Variants in LRP1B observed in about 807,000 individuals in gnomAD.
The protein encoded by LRP1B is LDL receptor related protein 1B, also known as low-density lipoprotein receptor-related protein 1B.
A neutral mutation model predicts 556.6 loss-of-function variants in LRP1B; 217 were observed. The ratio of observed to expected loss-of-function variants is 0.39; its 90% CI spans 0.35 to 0.44. The LOEUF (loss-of-function observed/expected upper bound fraction) is 0.44, where lower values mean the gene tolerates loss of function less well. LRP1B is among the 20% of genes least tolerant of loss of function. The pLI, the probability that LRP1B is intolerant of heterozygous loss-of-function variation, is 1.00. For synonymous variants in LRP1B, 2,047 were observed against 1,865.8 expected (o/e 1.10, Z -2.50); for missense variants, 5,053 against 5,620.8 (o/e 0.90, Z 3.23).
chr2:140,531,472 C>T (rs1056285412), intron 47 of LRP1B, among the ~76,000 whole-genome samples: 1 of 152,126 alleles, frequency 6.6e-6, no homozygotes, highest in Non-Finnish European at 1.5e-5. Context: ...ACTACAGTGT[C>T]AACCTTAGAT....
chr2:140,965,361 T>A (rs953791179), intron 18 of LRP1B, among the ~76,000 whole-genome samples: 32 of 149,196 alleles, frequency 2.1e-4, no homozygotes, highest in African/African-American at 7.5e-4. Flanking sequence ...AAAATACCTT[T>A]TTTTTTTTCT....
intron 1 of LRP1B, among the ~76,000 whole-genome samples, chr2:141,922,376 G>A (rs754990113): frequency 2.0e-5 from 3 of 152,082 alleles, no homozygotes; most frequent in Non-Finnish European, 4.4e-5. Flanking sequence ...TGCACATTTT[G>A]TCTTCTTTGC....
rs1453597414 is a variant in LRP1B at position 142,115,619 on chromosome 2, TGTA to T, written c.82+15026_82+15028del. Among the ~76,000 whole-genome samples, 19 of 44,870 alleles carry T rather than the reference TGTA, an allele frequency of 4.2e-4. 5 individuals are homozygous for T. Among genetic ancestry groups the T allele is most frequent in the African/African-American group, 1.5e-3 (19 of 12,906 alleles). The allele number at this position is 44,870 out of a possible 152,430, so 29.4% of individuals were successfully genotyped here. A position where few individuals can be genotyped will look rare whatever the true frequency, so the allele number is the denominator to read the frequency against. On this transcript the variant is annotated intron_variant, in intron 1 of 90. Transcript: ENST00000389484. ...ATATATGTAATATATATTATATATA[TGTA>T]ATATATATATTATATATGTAATATA...
intron 5 of LRP1B, among the ~76,000 whole-genome samples, chr2:141,236,309 T>C (rs1683646891): frequency 6.6e-6 from 1 of 152,170 alleles, no homozygotes; most frequent in African/African-American, 2.4e-5. Flanking sequence ...AGTGGGAACA[T>C]TTAATATCCC....
At chr2:140,631,192 C>G (rs1683870089) in intron 41 of LRP1B, among the ~76,000 whole-genome samples, 1 of 152,020 alleles carries the variant, frequency 6.6e-6, no homozygotes, top group Admixed American at 6.6e-5. Flanking sequence ...TAACATAAAA[C>G]CACACACACA....
chr2:140,649,030 T>C (rs114044650), intron 41 of LRP1B, among the ~76,000 whole-genome samples: 2,644 of 152,232 alleles, frequency 0.017, 44 homozygotes, highest in Admixed American at 0.046. Context: ...GATCAGGTTA[T>C]ATCTCTAGAC....
At chr2:140,588,346 T>C (rs1311073604) in intron 43 of LRP1B, among the ~76,000 whole-genome samples, 1 of 152,068 alleles carries the variant, frequency 6.6e-6, no homozygotes, top group African/African-American at 2.4e-5. Context: ...CTTTACTGGG[T>C]AAATGGTGAT....
rs1269248107 is a variant in LRP1B at position 141,480,510 on chromosome 2, A to C, written c.229T>G (p.Cys77Gly). Reference protein sequence around the residue: ...DTCPEEVEIKCPLNHIACLGT... With the variant: ...DTCPEEVEIKGPLNHIACLGT... ...AGGCAAGCAATGTGATTCAAGGGGC[A>C]CTTGATTTCTACCTCCTCGGGACCT... The change falls in exon 3 of 91, where the codon TGC becomes GGC. Residue 77 changes from cysteine (C) to glycine (G), a missense_variant. Transcript: ENST00000389484. 1 of 1,613,836 alleles carries C rather than the reference A, an allele frequency of 6.2e-7. No homozygotes were observed. Among genetic ancestry groups the C allele is most frequent in the Non-Finnish European group, 8.5e-7 (1 of 1,179,904 alleles).
At chr2:140,644,458 G>A (rs1346402098) in intron 41 of LRP1B, among the ~76,000 whole-genome samples, 1 of 149,900 alleles carries the variant, frequency 6.7e-6, no homozygotes, top group African/African-American at 2.5e-5. Context: ...AGAGGGAGTG[G>A]CACTATGTTC....
chr2:140,850,624 C>T (rs1293126893), intron 28 of LRP1B, among the ~76,000 whole-genome samples: 1 of 152,168 alleles, frequency 6.6e-6, no homozygotes, highest in African/African-American at 2.4e-5. Context: ...ACTACATAAA[C>T]TACGAGTGTC....
chr2:141,122,545 A>G (rs375602818), intron 7 of LRP1B, among the ~76,000 whole-genome samples: 2 of 152,126 alleles, frequency 1.3e-5, no homozygotes, highest in African/African-American at 2.4e-5. Context: ...CAAAACCACA[A>G]TGAGATACCA....
intron 7 of LRP1B, among the ~76,000 whole-genome samples, chr2:141,067,926 G>T (rs1162352578): frequency 1.3e-5 from 2 of 151,940 alleles, no homozygotes; most frequent in Non-Finnish European, 2.9e-5. Flanking sequence ...CAAGATGAAA[G>T]AAGACATGTC....
chr2:140,867,674 T>C lies in LRP1B; in HGVS notation c.4495A>G (p.Thr1499Ala). ...TNTLSKANKW[T>A]GQNVSVIQKT... ...TGAATCACACTGACATTCTGCCCTG[T>C]CCACTTATTGGCTTTGGACAATGTG... Residue 1499 changes from threonine to alanine, a missense_variant, in exon 27 of 91, where the codon ACA becomes GCA. Coordinates refer to ENST00000389484, the MANE Select transcript of LRP1B (RefSeq NM_018557.3). The C allele has an allele frequency of 1.2e-6, 2 of 1,613,696 alleles. No homozygotes were observed. Among genetic ancestry groups the C allele is most frequent in the Non-Finnish European group, 1.7e-6 (2 of 1,179,684 alleles).
At chr2:142,054,175 T>C (rs1704573585) in intron 1 of LRP1B, among the ~76,000 whole-genome samples, 1 of 152,168 alleles carries the variant, frequency 6.6e-6, no homozygotes, top group South Asian at 2.1e-4. Flanking sequence ...CACAAGAATA[T>C]GACATATTGG....
intron 2 of LRP1B, among the ~76,000 whole-genome samples, chr2:141,652,741 TAGGC>T (rs1689846365): frequency 6.6e-6 from 1 of 152,158 alleles, no homozygotes; most frequent in Non-Finnish European, 1.5e-5. Flanking sequence ...AATCATAACA[TAGGC>T]AGGCAGAATC....
At chr2:141,229,797 C>T (rs1055655026) in intron 5 of LRP1B, among the ~76,000 whole-genome samples, 9 of 152,110 alleles carry the variant, frequency 5.9e-5, no homozygotes, top group African/African-American at 2.2e-4. Flanking sequence ...GCAGGTTACC[C>T]TCACGAGCAA....
intron 3 of LRP1B, among the ~76,000 whole-genome samples, chr2:141,314,809 T>TG (rs1686940135): frequency 3.7e-5 from 2 of 54,008 alleles, no homozygotes; most frequent in African/African-American, 5.5e-5. Flanking sequence ...AAAAAAAAAA[T>TG]TTATATATAT....
At chr2:141,342,845 A>G (rs192105832) in intron 3 of LRP1B, among the ~76,000 whole-genome samples, 6 of 152,320 alleles carry the variant, frequency 3.9e-5, no homozygotes, top group African/African-American at 1.4e-4. Flanking sequence ...AAGACAGGCC[A>G]ACATTCAAAT....
chr2:141,086,399 A>G (rs1277953365), intron 7 of LRP1B, among the ~76,000 whole-genome samples: 1 of 152,154 alleles, frequency 6.6e-6, no homozygotes, highest in African/African-American at 2.4e-5. Context: ...CTTCTACTCA[A>G]TGAGTCTCTT....
Sources: gnomAD v4.1 joint callset for allele counts (sites outside exome capture counted in the v4.1 genomes callset) on GRCh38, gnomAD v4.1.1 for gene constraint, MANE v1.5 for transcripts, NCBI Gene and HGNC (gene_info 2026-07-23, HGNC 2026-07-21) for gene names.